RELN: variants seen among roughly 807,000 people sequenced by gnomAD.
RELN encodes the protein reelin.
Under a neutral mutation model 427.6 loss-of-function variants are expected in RELN, and 108 were observed. The ratio of observed to expected loss-of-function variants is 0.25; its 90% CI spans 0.22 to 0.30. RELN has a LOEUF of 0.30. RELN is among the 10% of genes least tolerant of loss of function. The pLI is 1.00. For synonymous variants in RELN, 1,524 were observed against 1,513.4 expected (o/e 1.01, Z -0.16); for missense variants, 3,715 against 4,302.8 (o/e 0.86, Z 3.82).
chr7:103,551,249 T>C lies in RELN; in HGVS notation c.6120A>G (p.Arg2040=). ...CCCCGAAGTCCCTTGAAAATTCCAG[T>C]CTCACTGGATCCGCGGATGAGCTAT... ...STDSSSADPV[R]LEFSRDFGAT... is the part of the protein sequence containing the mutation. Residue 2040 remains arginine (R), a synonymous_variant, in exon 41 of 65, where the codon AGA becomes AGG. Transcript: ENST00000428762. 1 of 1,613,812 alleles carries C rather than the reference T, an allele frequency of 6.2e-7. No individual in the cohort carries two copies. Among genetic ancestry groups the C allele is most frequent in the Non-Finnish European group, 8.5e-7 (1 of 1,179,974 alleles).
chr7:103,520,954 G>GTTTTTTTTTTTTTTTTTTTTTTTTTTTTT, intron 48 of RELN, among the ~76,000 whole-genome samples: 1 of 78,188 alleles, frequency 1.3e-5, no homozygotes, highest in Non-Finnish European at 2.5e-5. Flanking sequence ...CAGTAAATTT[G>GTTTTTTTTTTTTTTTTTTTTTTTTTTTTT]TTATTTTTTT....
Position 103,573,696 on chromosome 7 carries a change from T to A in RELN, c.4511+396A>T, listed in dbSNP as rs1293085687. On this transcript the variant is annotated intron_variant, in intron 30 of 64. Transcript: ENST00000428762. This position sits in a 1 kb window ranked among gnomAD's most constrained non-coding sequence, Gnocchi z 4.4. Reference sequence around the variant, plus strand: ...TAAAATTTCTGGGGACCATTTTCAATAAGTGAATACAAATCAACTTAGATA... The same window carrying A: ...TAAAATTTCTGGGGACCATTTTCAAAAAGTGAATACAAATCAACTTAGATA... Among the ~76,000 whole-genome samples the A allele has an allele frequency of 6.6e-6, 1 of 152,230 alleles. No individual in the cohort carries two copies. Among genetic ancestry groups the A allele is most frequent in the Non-Finnish European group, 1.5e-5 (1 of 68,026 alleles).
intron 27 of RELN, among the ~76,000 whole-genome samples, chr7:103,593,151 A>C (rs1831459069): frequency 6.6e-6 from 1 of 152,188 alleles, no homozygotes; most frequent in Non-Finnish European, 1.5e-5. Context: ...GGGTTCTGAA[A>C]CAAGACCTTG....
chr7:103,976,627 G>A (rs1796884998), intron 1 of RELN, among the ~76,000 whole-genome samples: 1 of 152,184 alleles, frequency 6.6e-6, no homozygotes, highest in African/African-American at 2.4e-5. Flanking sequence ...GGAGAGTCAG[G>A]GGAGGGGAAA....
chr7:103,733,571 A>G (rs1006729075), intron 6 of RELN, among the ~76,000 whole-genome samples: 13 of 147,310 alleles, frequency 8.8e-5, no homozygotes, highest in African/African-American at 3.3e-4. Context: ...CTGGATTAAG[A>G]AAATGTGGCA....
At chr7:103,891,275 G>C (rs569000341) in intron 2 of RELN, among the ~76,000 whole-genome samples, 76 of 152,006 alleles carry the variant, frequency 5.0e-4, no homozygotes, top group Non-Finnish European at 8.7e-4. Flanking sequence ...AGACACTTTA[G>C]GGCTTATATT....
intron 7 of RELN, among the ~76,000 whole-genome samples, chr7:103,724,930 A>G (rs1026967478): frequency 3.3e-5 from 5 of 151,916 alleles, no homozygotes; most frequent in African/African-American, 4.8e-5. Flanking sequence ...GGTAATATAA[A>G]TTATTAATCT....
chr7:103,753,970 C>T (rs1791068983), intron 4 of RELN, among the ~76,000 whole-genome samples: 1 of 152,012 alleles, frequency 6.6e-6, no homozygotes, highest in African/African-American at 2.4e-5. Flanking sequence ...AAAATGAAAA[C>T]ATTTTGTCAA....
intron 1 of RELN, among the ~76,000 whole-genome samples, chr7:103,949,133 A>T (rs146271679): frequency 6.6e-6 from 1 of 151,844 alleles, no homozygotes; most frequent in Non-Finnish European, 1.5e-5. Context: ...ACACACACAC[A>T]TTGCATTTTT....
chr7:103,593,059 G>A (rs764859726), intron 27 of RELN, among the ~76,000 whole-genome samples: 105 of 152,124 alleles, frequency 6.9e-4, no homozygotes, highest in Non-Finnish European at 1.4e-3. Context: ...ATGTAGTTGT[G>A]CTAGCTCATT....
chr7:103,895,132 G>A (rs1184166615), intron 2 of RELN, among the ~76,000 whole-genome samples: 1 of 152,028 alleles, frequency 6.6e-6, no homozygotes, highest in African/African-American at 2.4e-5. Flanking sequence ...CTGTTAATTG[G>A]TAATTATGCA....
chr7:103,882,631 T>C (rs896249155), intron 2 of RELN, among the ~76,000 whole-genome samples: 5 of 151,938 alleles, frequency 3.3e-5, no homozygotes, highest in Non-Finnish European at 5.9e-5. Flanking sequence ...CCCACAGAAA[T>C]ATAAACTACC....
At position 103,917,990 on chromosome 7, in the gene RELN, CAAGGG is replaced by C. The variant is rs984840557; in HGVS notation, c.227-810_227-806del. Among the ~76,000 whole-genome samples the C allele has an allele frequency of 1.8e-4, 28 of 152,024 alleles. 1 individual carries two copies. Among genetic ancestry groups the C allele is most frequent in the Admixed American group, 1.8e-3 (27 of 15,236 alleles). On this transcript the variant is annotated intron_variant, in intron 1 of 64. Transcript: ENST00000428762. ...GATGATGCCATTTGTAGGAAGCAACCAAGGGAAGGTAATAATATTATTTAGGTAGT... is the reference window on the plus strand; with the variant it reads ...GATGATGCCATTTGTAGGAAGCAACCAAGGTAATAATATTATTTAGGTAGT...
intron 60 of RELN, among the ~76,000 whole-genome samples, chr7:103,487,374 T>C (rs1828477621): frequency 6.9e-6 from 1 of 145,946 alleles, no homozygotes; most frequent in East Asian, 2.0e-4. Context: ...CTGCATGTTC[T>C]GCACATGTAT....
At chr7:103,819,872 G>A (rs552647955) in intron 3 of RELN, among the ~76,000 whole-genome samples, 9 of 151,792 alleles carry the variant, frequency 5.9e-5, no homozygotes, top group Non-Finnish European at 1.2e-4. Context: ...TCATGCTCTC[G>A]GTTTCTTTTA....
intron 2 of RELN, among the ~76,000 whole-genome samples, chr7:103,909,770 A>AAT (rs1218210542): frequency 2.4e-5 from 2 of 83,388 alleles, no homozygotes; most frequent in Admixed American, 1.9e-4. Context: ...ATATATATTT[A>AAT]ATATATATAA....
intron 11 of RELN, among the ~76,000 whole-genome samples, chr7:103,666,939 TGTGA>T (rs1833280508): frequency 6.6e-6 from 1 of 152,294 alleles, no homozygotes; most frequent in Non-Finnish European, 1.5e-5. Flanking sequence ...AAAGATCCTG[TGTGA>T]GTATTTTTAA....
At chr7:103,485,789 TG>T (rs1828418005) in intron 61 of RELN, among the ~76,000 whole-genome samples, 1 of 152,216 alleles carries the variant, frequency 6.6e-6, no homozygotes, top group African/African-American at 2.4e-5. Flanking sequence ...TTCTATTTAT[TG>T]TACTTACATA....
intron 64 of RELN, among the ~76,000 whole-genome samples, chr7:103,476,321 G>T (rs1455545286): frequency 6.6e-6 from 1 of 151,932 alleles, no homozygotes; most frequent in African/African-American, 2.4e-5. Flanking sequence ...AAATTAGCTG[G>T]GTGTTGTGGC....
Sources: allele counts gnomAD v4.1 joint callset (sites outside exome capture counted in the v4.1 genomes callset), GRCh38; gene constraint gnomAD v4.1.1; non-coding constraint Gnocchi (gnomAD v3.1); transcripts MANE v1.5; gene names NCBI Gene and HGNC (gene_info 2026-07-23, HGNC 2026-07-21).